The following LDB2 variants were observed in gnomAD, a reference collection of about 807,000 sequenced individuals.
LDB2 encodes the protein LIM domain binding 2.
Under a neutral mutation model 44.3 loss-of-function variants are expected in LDB2, and 12 were observed. The ratio of observed to expected loss-of-function variants is 0.27; its 90% CI spans 0.17 to 0.44. LDB2 has a LOEUF of 0.44. Among genes scored for constraint, LDB2 ranks in the 20% least tolerant of loss-of-function variants. The probability of loss-of-function intolerance (pLI) is 1.00; values close to 1 mark genes in which losing one functional copy is unlikely to be tolerated. For synonymous variants in LDB2, 164 were observed against 174.8 expected, an observed-to-expected ratio of 0.94 and a Z score of 0.49; for missense variants, 344 against 473.5, an observed-to-expected ratio of 0.73 and a Z score of 2.54.
intron 5 of LDB2, among the ~76,000 whole-genome samples, chr4:16,558,910 A>G (rs1010304462): frequency 6.6e-6 from 1 of 152,246 alleles, no homozygotes; most frequent in Non-Finnish European, 1.5e-5. Context: ...AATATTCAAC[A>G]TTCTTAAAGA....
At position 16,888,658 on chromosome 4, in the gene LDB2, G is replaced by A. The variant is rs1207834189; in HGVS notation, c.132+9696C>T. 1.5e-5 allele frequency: 14 copies of A among 926,360 alleles called. No homozygotes were observed. In the South Asian group the frequency reaches 6.9e-4, roughly 46 times the overall value. The allele number at this position is 926,360 out of a possible 1,614,324, so 57.4% of individuals were successfully genotyped here. On this transcript the variant is annotated intron_variant, in intron 1 of 7. Coordinates refer to ENST00000304523, the MANE Select transcript of LDB2 (RefSeq NM_001290.5). Reference sequence around the variant, plus strand: ...AGATACTTTTAAGAAATGAAGCAATGTTTGGCATTACTTACATTATTTAAT... The same window carrying A: ...AGATACTTTTAAGAAATGAAGCAATATTTGGCATTACTTACATTATTTAAT...
intron 1 of LDB2, among the ~76,000 whole-genome samples, chr4:16,871,221 T>TA (rs1716485301): frequency 6.6e-6 from 1 of 152,222 alleles, no homozygotes; most frequent in African/African-American, 2.4e-5. Flanking sequence ...AAATACTGTA[T>TA]AATGGTGTGT....
intron 5 of LDB2, among the ~76,000 whole-genome samples, chr4:16,557,034 T>G (rs975081381): frequency 1.3e-5 from 2 of 152,210 alleles, no homozygotes; most frequent in African/African-American, 4.8e-5. Flanking sequence ...GGCCATACTT[T>G]CCTTCCATGA....
At chr4:16,606,941 A>G (rs1724117716) in intron 2 of LDB2, among the ~76,000 whole-genome samples, 1 of 152,228 alleles carries the variant, frequency 6.6e-6, no homozygotes, top group African/African-American at 2.4e-5. Context: ...TGTAATTTCC[A>G]GTTTAACCTA....
chr4:16,708,553 C>T (rs1033429150), intron 2 of LDB2, among the ~76,000 whole-genome samples: 26 of 152,126 alleles, frequency 1.7e-4, no homozygotes, highest in Admixed American at 5.2e-4. Context: ...TCTGCAAATA[C>T]GGCCTGAGAG....
intron 1 of LDB2, among the ~76,000 whole-genome samples, chr4:16,887,231 A>G (rs1189270004): frequency 1.3e-5 from 2 of 151,540 alleles, no homozygotes; most frequent in Non-Finnish European, 1.5e-5. Context: ...AAAAAAAAAA[A>G]AAAGAAAAAG....
chr4:16,668,406 T>A (rs972206731), intron 2 of LDB2, among the ~76,000 whole-genome samples: 1 of 152,156 alleles, frequency 6.6e-6, no homozygotes, highest in South Asian at 2.1e-4. Flanking sequence ...TCCCTCTCCG[T>A]GATAGCTCTC....
rs537724001 is a variant in LDB2 at position 16,571,119 on chromosome 4, G to A, written c.615+14803C>T. On this transcript the variant is annotated intron_variant, in intron 5 of 7. Coordinates refer to ENST00000304523, the MANE Select transcript of LDB2 (RefSeq NM_001290.5). ...GATGAAGTTGGAGAGGCTAGATCCC[G>A]TAAGGTCTTGCAGGCCAAGCTAAGT... 3.2e-4 allele frequency among the ~76,000 whole-genome samples: 48 copies of A among 152,314 alleles called. 1 individual carries two copies. The highest frequency in any genetic ancestry group is 2.6e-4 in the Admixed American group (4 of 15,302).
intron 2 of LDB2, among the ~76,000 whole-genome samples, chr4:16,597,452 C>T (rs1266526570): frequency 6.6e-6 from 1 of 152,130 alleles, no homozygotes; most frequent in Non-Finnish European, 1.5e-5. Context: ...TGTCCTTTAA[C>T]AAATGCATAG....
chr4:16,632,804 T>C (rs1732375806), intron 2 of LDB2, among the ~76,000 whole-genome samples: 1 of 152,132 alleles, frequency 6.6e-6, no homozygotes, highest in Non-Finnish European at 1.5e-5. Flanking sequence ...CTGGAGAGGA[T>C]GTGGAGAAAT....
At chr4:16,715,442 A>C (rs745334193) in intron 2 of LDB2, among the ~76,000 whole-genome samples, 24 of 152,200 alleles carry the variant, frequency 1.6e-4, no homozygotes, top group Non-Finnish European at 3.1e-4. Context: ...ACATGATTCT[A>C]CTATGCTTTT....
At chr4:16,830,728 G>A (rs1783914165) in intron 1 of LDB2, among the ~76,000 whole-genome samples, 1 of 152,182 alleles carries the variant, frequency 6.6e-6, no homozygotes, top group African/African-American at 2.4e-5. Flanking sequence ...ATCTAATTCT[G>A]CCTGTGCCAA....
chr4:16,802,762 A>G lies in LDB2; in HGVS notation c.133-43502T>C, dbSNP rs139127505. Among the ~76,000 whole-genome samples the G allele has an allele frequency of 4.1e-3, 628 of 152,278 alleles. 2 individuals are homozygous for G. Among genetic ancestry groups the G allele is most frequent in the Middle Eastern group, 0.027 (8 of 294 alleles). ...GGAGATAATTGAATCATGGGGGCCA[A>G]TGGAACTGAGGCAGGCTTGGGACAC... On this transcript the variant is annotated intron_variant, in intron 1 of 7. Transcript: ENST00000304523.
intron 2 of LDB2, among the ~76,000 whole-genome samples, chr4:16,705,032 A>T (rs1010999124): frequency 1.1e-4 from 17 of 152,184 alleles, no homozygotes; most frequent in African/African-American, 3.6e-4. Context: ...TACAATCTTT[A>T]ACTTGCTCAA....
intron 1 of LDB2, among the ~76,000 whole-genome samples, chr4:16,793,697 TC>T (rs1308366173): frequency 6.6e-6 from 1 of 152,156 alleles, no homozygotes; most frequent in Non-Finnish European, 1.5e-5. Flanking sequence ...CTTTGTAACC[TC>T]TCCCTGCAGT....
chr4:16,518,689 C>G (rs1305469628), intron 5 of LDB2, among the ~76,000 whole-genome samples: 1 of 152,134 alleles, frequency 6.6e-6, no homozygotes, highest in Non-Finnish European at 1.5e-5. Context: ...TTTGTTGACC[C>G]TTGAACTAAA....
intron 5 of LDB2, among the ~76,000 whole-genome samples, chr4:16,546,769 A>G (rs769976502): frequency 5.9e-5 from 9 of 152,022 alleles, no homozygotes; most frequent in Non-Finnish European, 1.0e-4. Flanking sequence ...CATCCTTTTC[A>G]TATATAAAAC....
intron 1 of LDB2, among the ~76,000 whole-genome samples, chr4:16,803,298 T>G (rs1778201311): frequency 2.0e-5 from 3 of 152,230 alleles, no homozygotes; most frequent in African/African-American, 7.2e-5. Context: ...CATCAGTTTT[T>G]GGGGAATCAG....
chr4:16,802,031 A>G (rs1777923568), intron 1 of LDB2, among the ~76,000 whole-genome samples: 1 of 152,168 alleles, frequency 6.6e-6, no homozygotes, highest in African/African-American at 2.4e-5. Context: ...TGTGGTTTCC[A>G]TTTGTCAAAG....
Sources: gnomAD v4.1 joint callset for allele counts (sites outside exome capture counted in the v4.1 genomes callset) on GRCh38, gnomAD v4.1.1 for gene constraint, MANE v1.5 for transcripts, NCBI Gene and HGNC (gene_info 2026-07-23, HGNC 2026-07-21) for gene names.